The following PIEZO2 variants were observed in gnomAD, a reference collection of about 807,000 sequenced individuals.
The protein encoded by PIEZO2 is piezo-type mechanosensitive ion channel component 2.
In PIEZO2, 172 loss-of-function variants were observed where a neutral mutation model predicts 337.3. The observed-to-expected ratio is 0.51, with a 90% CI of 0.45 to 0.58. The LOEUF (loss-of-function observed/expected upper bound fraction) is 0.58. Ranked by LOEUF, PIEZO2 falls within the 20% of genes least tolerant of loss-of-function variation. The pLI is 0.00. For missense variants in PIEZO2, 3,028 were observed against 3,391.3 expected, an observed-to-expected ratio of 0.89 and a Z score of 2.66; for synonymous variants, 1,251 against 1,228.5, an observed-to-expected ratio of 1.02 and a Z score of -0.38.
At chr18:10,777,278 A>G (rs2038824218) in intron 18 of PIEZO2, among the ~76,000 whole-genome samples, 1 of 152,232 alleles carries the variant, frequency 6.6e-6, no homozygotes, top group Non-Finnish European at 1.5e-5. Context: ...AACGGAGCAG[A>G]TGACAAGTAT....
In PIEZO2 at chr18:10,763,058, A is replaced by G. The variant is rs2038206952; in HGVS notation, c.2987T>C (p.Phe996Ser). The change falls in exon 22 of 56, where the codon TTT (phenylalanine) becomes TCT (serine). Residue 996 changes from phenylalanine (F) to serine (S), a missense_variant. Transcript: ENST00000674853. The stretch of plus-strand genomic sequence containing the variant: ...GCGCAGCTTGGCGTACGGCAGAGCA[A>G]AAGCCCAAGAAATCAAAAATACATA... ...FNYVFLISWA[F>S]ALPYAKLRRL... 6 of 1,537,222 alleles carry G rather than the reference A, an allele frequency of 3.9e-6. No individual in the cohort carries two copies. Among genetic ancestry groups the G allele is most frequent in the Admixed American group, 2.0e-5 (1 of 50,984 alleles).
rs778306848 is a variant in PIEZO2 at position 10,696,581 on chromosome 18, G to A, written c.6828-42C>T. 6.2e-6 allele frequency: 10 copies of A among 1,608,806 alleles called. No homozygotes were observed. The East Asian group carries it at 2.0e-4, about 32-fold the overall frequency. Reference sequence around the variant, plus strand: ...CCCACCCCCAACCCACTTGTTTCAGGAAGGGCAGGATGGCAGAAATGACCA... The same window carrying A: ...CCCACCCCCAACCCACTTGTTTCAGAAAGGGCAGGATGGCAGAAATGACCA... On this transcript the variant is annotated intron_variant, in intron 45 of 55. Transcript: ENST00000674853.
At chr18:10,756,874 TGAG>T (rs1568022606) in intron 27 of PIEZO2, among the ~76,000 whole-genome samples, 1 of 113,640 alleles carries the variant, frequency 8.8e-6, no homozygotes, top group African/African-American at 4.0e-5. Flanking sequence ...GGGATGGAGA[TGAG>T]GAGGAAGGAT....
Position 10,770,184 on chromosome 18 carries a change from G to T in PIEZO2, c.2910C>A (p.Ile970=). 3 of 1,537,202 alleles carry T rather than the reference G, an allele frequency of 2.0e-6. No homozygotes were observed. Among genetic ancestry groups the T allele is most frequent in the Non-Finnish European group, 8.7e-7 (1 of 1,146,908 alleles). The change falls in exon 21 of 56, where the codon ATC becomes ATA. Residue 970 remains isoleucine, a synonymous_variant. Transcript: ENST00000674853. ...AAACCCAGATAATGTAAGAGGAAAC[G>T]ATTTTGATGATGTGCAACTCCAAAA... ...WWILELHIIK[I]VSSYIIWVSV... is the part of the protein sequence containing the mutation.
chr18:10,956,503 A>T (rs264183), intron 3 of PIEZO2, among the ~76,000 whole-genome samples: 60,139 of 152,118 alleles, frequency 0.4, 13,013 homozygotes, highest in Non-Finnish European at 0.49. Context: ...TTCCAATGTC[A>T]TTCTTCATAG....
Position 10,969,645 on chromosome 18 carries a change from G to T in PIEZO2, c.286+9890C>A, listed in dbSNP as rs2034154656. Among the ~76,000 whole-genome samples, 1 of 151,962 alleles carries T rather than the reference G, an allele frequency of 6.6e-6. No homozygotes were observed. Among genetic ancestry groups the T allele is most frequent in the East Asian group, 1.9e-4 (1 of 5,190 alleles). ...TTAATTGATAAATAGTTTCTAAAGA[G>T]AAATAAAACACGTCATTCTAATATT... On this transcript the variant is annotated intron_variant, in intron 3 of 55. Coordinates refer to ENST00000674853, the MANE Select transcript of PIEZO2 (RefSeq NM_001378183.1). This position sits in a 1 kb window ranked among gnomAD's most constrained non-coding sequence, Gnocchi z 4.5.
At position 10,847,480 on chromosome 18, in the gene PIEZO2, G is replaced by A. The variant is rs142669539; in HGVS notation, c.917+7873C>T. 7.3e-4 allele frequency among the ~76,000 whole-genome samples: 111 copies of A among 152,310 alleles called. No individual in the cohort carries two copies. Among genetic ancestry groups the A allele is most frequent in the African/African-American group, 2.5e-3 (106 of 41,574 alleles). ...TTAGGTCACTGGGCTGGATAAACAC[G>A]CAGTGCAAAGGCCCGTGGGCTCGGC... On this transcript the variant is annotated intron_variant, in intron 7 of 55. Transcript: ENST00000674853. The surrounding 1 kb of genome is among the most constrained non-coding windows in gnomAD (Gnocchi z 5.7).
chr18:10,901,811 T>C (rs1355633751), intron 4 of PIEZO2, among the ~76,000 whole-genome samples: 2 of 151,972 alleles, frequency 1.3e-5, no homozygotes, highest in African/African-American at 4.8e-5. Flanking sequence ...ATTGAATCTA[T>C]CAAATACAAA....
Position 10,779,773 on chromosome 18 carries a change from T to A in PIEZO2, c.2534+552A>T, listed in dbSNP as rs529335318. Among the ~76,000 whole-genome samples, 67 of 152,262 alleles carry A rather than the reference T, an allele frequency of 4.4e-4. 3 individuals are homozygous for A. The South Asian group carries it at 0.014, about 31-fold the overall frequency. The stretch of plus-strand genomic sequence containing the variant: ...GGGGTTAGGTGACATGGGGACATCT[T>A]GGTGAATCATAGAGGGAGTCCAGAT... On this transcript the variant is annotated intron_variant, in intron 18 of 55. Coordinates refer to ENST00000674853, the MANE Select transcript of PIEZO2 (RefSeq NM_001378183.1).
At chr18:10,718,994 TAAATAAA>T (rs1407375858) in intron 36 of PIEZO2, among the ~76,000 whole-genome samples, 1 of 149,916 alleles carries the variant, frequency 6.7e-6, no homozygotes, top group Admixed American at 6.6e-5. Context: ...AATAAATAAA[TAAATAAA>T]TAAATAAATA....
rs2033401647 is a variant in PIEZO2, at chr18:10,953,794, A to G, written c.286+25741T>C. Among the ~76,000 whole-genome samples the G allele has an allele frequency of 6.6e-6, 1 of 152,060 alleles. No homozygotes were observed. The highest frequency in any genetic ancestry group is 2.1e-4 in the South Asian group (1 of 4,826). On this transcript the variant is annotated intron_variant, in intron 3 of 55. Transcript: ENST00000674853. This position sits in a 1 kb window ranked among gnomAD's most constrained non-coding sequence, Gnocchi z 5.2. ...GACACTGCACACCACACAGGGCCAC[A>G]CCGGGGTGCACTTGGGAACAGATGA... is the stretch of plus-strand genomic sequence containing the variant.
chr18:11,143,635 A>ACT lies in PIEZO2; in HGVS notation c.64+4889_64+4890insAG, dbSNP rs1568412810. 1.3e-4 allele frequency among the ~76,000 whole-genome samples: 10 copies of ACT among 75,900 alleles called. No individual in the cohort carries two copies. The highest frequency in any genetic ancestry group is 6.4e-4 in the African/African-American group (8 of 12,474). 49.8% of individuals were successfully genotyped at this position (75,900 alleles called of 152,430 possible). ...CACACACACACACACACACACACAC[A>ACT]CACACTCTCTCTCTCTCTCTCTCTC... On this transcript the variant is annotated intron_variant, in intron 1 of 55. Transcript: ENST00000674853. The surrounding 1 kb of genome is among the most constrained non-coding windows in gnomAD (Gnocchi z 4.9).
rs563279032 is a variant in PIEZO2, at chr18:10,854,503, T to C, written c.917+850A>G. The stretch of plus-strand genomic sequence containing the variant: ...TTCTATTATTCCTTTGCCCTGTCAT[T>C]ATCTAACATCATCCTGCATGGAGGA... On this transcript the variant is annotated intron_variant, in intron 7 of 55. Coordinates refer to ENST00000674853, the MANE Select transcript of PIEZO2 (RefSeq NM_001378183.1). This position sits in a 1 kb window ranked among gnomAD's most constrained non-coding sequence, Gnocchi z 4.6. Among the ~76,000 whole-genome samples, 6 of 152,338 alleles carry C rather than the reference T, an allele frequency of 3.9e-5. No individual in the cohort carries two copies. The East Asian group carries it at 1.2e-3, about 29-fold the overall frequency.
intron 1 of PIEZO2, among the ~76,000 whole-genome samples, chr18:11,071,165 C>T (rs942703273): frequency 6.6e-6 from 1 of 152,196 alleles, no homozygotes; most frequent in African/African-American, 2.4e-5. Context: ...GCTTTCTACA[C>T]CACTCCCCAC....
At chr18:10,712,387 T>C (rs1368846569) in intron 39 of PIEZO2, among the ~76,000 whole-genome samples, 1 of 152,130 alleles carries the variant, frequency 6.6e-6, no homozygotes, top group African/African-American at 2.4e-5. Context: ...GTATATTGAA[T>C]TAAATTAAAG....
intron 36 of PIEZO2, among the ~76,000 whole-genome samples, chr18:10,720,810 C>G (rs536866826): frequency 1.5e-3 from 234 of 152,140 alleles, no homozygotes; most frequent in African/African-American, 5.1e-3. Context: ...CAAGAATCTT[C>G]TCAAACTTAT....
intron 13 of PIEZO2, among the ~76,000 whole-genome samples, chr18:10,792,261 T>C (rs1366914237): frequency 1.3e-5 from 2 of 152,142 alleles, no homozygotes. Flanking sequence ...ACAGAGTAGG[T>C]TTTTAAAAAT....
At chr18:10,810,179 G>C (rs2040144331) in intron 7 of PIEZO2, among the ~76,000 whole-genome samples, 1 of 152,046 alleles carries the variant, frequency 6.6e-6, no homozygotes, top group Non-Finnish European at 1.5e-5. Context: ...GCAAGTATAT[G>C]AAAAAGAAAG....
rs2039147757 is a variant in PIEZO2, at chr18:10,784,583, C to T, written c.2492+201G>A. Among the ~76,000 whole-genome samples the T allele has an allele frequency of 6.6e-6, 1 of 152,240 alleles. No homozygotes were observed. The highest frequency in any genetic ancestry group is 1.5e-5 in the Non-Finnish European group (1 of 68,052). ...TCAAGATCACTTTACATTAACCAGTCATAAGTCACTACCCATTGTTTCAGA... is the reference window on the plus strand; with the variant it reads ...TCAAGATCACTTTACATTAACCAGTTATAAGTCACTACCCATTGTTTCAGA... On this transcript the variant is annotated intron_variant, in intron 17 of 55. Coordinates refer to ENST00000674853, the MANE Select transcript of PIEZO2 (RefSeq NM_001378183.1). The surrounding 1 kb of genome is among the most constrained non-coding windows in gnomAD (Gnocchi z 4.5).
Sources: allele counts gnomAD v4.1 joint callset (sites outside exome capture counted in the v4.1 genomes callset), GRCh38; gene constraint gnomAD v4.1.1; non-coding constraint Gnocchi (gnomAD v3.1); transcripts MANE v1.5; gene names NCBI Gene and HGNC (gene_info 2026-07-23, HGNC 2026-07-21).